KLHL29: variants seen among roughly 807,000 people sequenced by gnomAD.
KLHL29 encodes the protein kelch-like protein 29.
In KLHL29, 21 loss-of-function variants were observed where a neutral mutation model predicts 80.4. The ratio of observed to expected loss-of-function variants is 0.26; its 90% CI spans 0.19 to 0.38. The LOEUF is 0.38. Among genes scored for constraint, KLHL29 ranks in the 10% least tolerant of loss-of-function variants. The pLI is 1.00. For missense variants in KLHL29, 867 were observed against 1,223.9 expected (o/e 0.71, Z 4.35); for synonymous variants, 511 against 526.8 (o/e 0.97, Z 0.41).
intron 1 of KLHL29, among the ~76,000 whole-genome samples, chr2:23,401,758 C>G (rs1666604411): frequency 6.6e-6 from 1 of 152,202 alleles, no homozygotes; most frequent in African/African-American, 2.4e-5. Flanking sequence ...TCCGGCTGGA[C>G]TGAGGCTACC....
chr2:23,406,725 T>C (rs1007814354), intron 1 of KLHL29, among the ~76,000 whole-genome samples: 2 of 152,204 alleles, frequency 1.3e-5, no homozygotes, highest in African/African-American at 4.8e-5. Context: ...CTGGTCTCTA[T>C]CTGTGCATGT....
chr2:23,574,851 G>T (rs1344829721), intron 3 of KLHL29, among the ~76,000 whole-genome samples: 5 of 152,178 alleles, frequency 3.3e-5, no homozygotes, highest in South Asian at 4.1e-4. Flanking sequence ...GAGAAATGGG[G>T]GTGTCGGTCA....
intron 1 of KLHL29, among the ~76,000 whole-genome samples, chr2:23,435,273 A>G (rs1280316230): frequency 1.3e-5 from 2 of 152,180 alleles, no homozygotes; most frequent in African/African-American, 2.4e-5. Context: ...TGTGAAGGCC[A>G]TACTGAGTTG....
intron 1 of KLHL29, among the ~76,000 whole-genome samples, chr2:23,410,376 A>G (rs1432028649): frequency 2.0e-5 from 3 of 152,136 alleles, no homozygotes; most frequent in African/African-American, 7.2e-5. Context: ...GGATGTCTCA[A>G]GGTGACCCCT....
chr2:23,486,226 C>T (rs948721022), intron 2 of KLHL29, among the ~76,000 whole-genome samples: 2 of 152,122 alleles, frequency 1.3e-5, no homozygotes, highest in African/African-American at 4.8e-5. Context: ...AGGGAATCTG[C>T]AAGCACCTAT....
chr2:23,692,001 T>C, intron 7 of KLHL29, 125 bp downstream of exon 7: 1 of 915,144 alleles, frequency 1.1e-6, no homozygotes, highest in Non-Finnish European at 1.6e-6. Flanking sequence ...CACATGTGGC[T>C]GAGTTTGGCA....
rs75811640 is a variant in KLHL29 at position 23,474,749 on chromosome 2, A to G, written c.-153-811A>G. ...TTATTTACCTGTCCAAATCCTTCAT[A>G]TCACATTAAAGCTTTCCCCTGCTAC... On this transcript the variant is annotated intron_variant, in intron 1 of 13. Transcript: ENST00000486442. Among the ~76,000 whole-genome samples, 42 of 152,242 alleles carry G rather than the reference A, an allele frequency of 2.8e-4. 1 individual carries two copies. The East Asian group carries it at 7.7e-3, about 28-fold the overall frequency.
chr2:23,654,874 T>G (rs1047314166), intron 5 of KLHL29, among the ~76,000 whole-genome samples: 4 of 152,260 alleles, frequency 2.6e-5, no homozygotes, highest in African/African-American at 9.6e-5. Context: ...TTCTCAAGAC[T>G]GCCTGCCTCC....
At chr2:23,482,038 C>G (rs903529240) in intron 2 of KLHL29, among the ~76,000 whole-genome samples, 4 of 152,166 alleles carry the variant, frequency 2.6e-5, no homozygotes, top group East Asian at 3.9e-4. Context: ...GGCCATGCCC[C>G]CCTTTTCCAT....
chr2:23,668,127 C>T (rs1205419706), intron 5 of KLHL29: 1 of 152,450 alleles, frequency 6.6e-6, no homozygotes, highest in Non-Finnish European at 1.5e-5. Flanking sequence ...TCCCTGGTCA[C>T]TCTGTGCTTC....
chr2:23,701,218 C>T (rs1268550851), intron 11 of KLHL29, among the ~76,000 whole-genome samples: 2 of 39,502 alleles, frequency 5.1e-5, no homozygotes. Context: ...ACACCCATTC[C>T]CCTCTCCTTC....
chr2:23,490,421 G>A (rs1234533044), intron 2 of KLHL29, among the ~76,000 whole-genome samples: 6 of 152,210 alleles, frequency 3.9e-5, no homozygotes, highest in Admixed American at 2.0e-4. Flanking sequence ...ATATTTCCTA[G>A]GCTAGTGGAA....
At chr2:23,657,760 A>G (rs1670286003) in intron 5 of KLHL29, among the ~76,000 whole-genome samples, 1 of 152,176 alleles carries the variant, frequency 6.6e-6, no homozygotes, top group South Asian at 2.1e-4. Context: ...GAGCACTGAG[A>G]GCTGTGCCTC....
At chr2:23,455,517 T>C (rs1274479408) in intron 1 of KLHL29, among the ~76,000 whole-genome samples, 1 of 152,202 alleles carries the variant, frequency 6.6e-6, no homozygotes, top group Non-Finnish European at 1.5e-5. Context: ...TTATTTGCCT[T>C]TCTGCTCTAA....
At chr2:23,436,622 G>A (rs1035833801) in intron 1 of KLHL29, among the ~76,000 whole-genome samples, 4 of 152,336 alleles carry the variant, frequency 2.6e-5, no homozygotes, top group East Asian at 1.9e-4. Flanking sequence ...TCAGCGCTGC[G>A]AAGCGGGAAG....
chr2:23,697,965 C>CTAT (rs1363652180), intron 11 of KLHL29: 1 of 152,226 alleles, frequency 6.6e-6, no homozygotes, highest in Non-Finnish European at 1.5e-5. Context: ...CTTTTGTCGG[C>CTAT]TATTTTTAAT....
chr2:23,501,877 G>T (rs556952815), intron 2 of KLHL29, among the ~76,000 whole-genome samples: 1 of 152,098 alleles, frequency 6.6e-6, no homozygotes, highest in Non-Finnish European at 1.5e-5. Flanking sequence ...AAGCCCCCTC[G>T]TGCCCCTTCC....
intron 3 of KLHL29, among the ~76,000 whole-genome samples, chr2:23,612,657 T>G (rs1668897643): frequency 6.6e-6 from 1 of 151,992 alleles, no homozygotes; most frequent in African/African-American, 2.4e-5. Context: ...CAGGAGAAAT[T>G]CTTGAACCCG....
intron 2 of KLHL29, among the ~76,000 whole-genome samples, chr2:23,482,004 G>T (rs6728515): frequency 6.6e-6 from 1 of 151,994 alleles, no homozygotes; most frequent in African/African-American, 2.4e-5. Context: ...TCACCAAAGC[G>T]CCACCCAGTT....
Sources: allele counts gnomAD v4.1 joint callset (sites outside exome capture counted in the v4.1 genomes callset), GRCh38; gene constraint gnomAD v4.1.1; transcripts MANE v1.5; gene names NCBI Gene and HGNC (gene_info 2026-07-23, HGNC 2026-07-21).